Variants in SERPINI1 observed in about 807,000 individuals in gnomAD.
SERPINI1 encodes serpin family I member 1.
In SERPINI1, 19 loss-of-function variants were observed where a neutral mutation model predicts 41.1. The observed-to-expected ratio is 0.46, with a 90% confidence interval of 0.32 to 0.68. The LOEUF is 0.68. Ranked by LOEUF, SERPINI1 falls within the 30% of genes least tolerant of loss-of-function variation. The pLI, the probability that SERPINI1 is intolerant of heterozygous loss-of-function variation, is 0.03. For missense variants in SERPINI1, 460 were observed against 479.2 expected (o/e 0.96, Z 0.37); for synonymous variants, 138 against 156.6 (o/e 0.88, Z 0.89).
At chr3:167,778,363 A>G (rs982306454) in intron 1 of SERPINI1, among the ~76,000 whole-genome samples, 10 of 152,178 alleles carry the variant, frequency 6.6e-5, no homozygotes, top group African/African-American at 2.4e-4. Context: ...ATATTTCTCA[A>G]ATTTGCCTTC....
At chr3:167,767,068 A>C (rs1726589871) in intron 1 of SERPINI1, among the ~76,000 whole-genome samples, 1 of 152,254 alleles carries the variant, frequency 6.6e-6, no homozygotes, top group Admixed American at 6.5e-5. Flanking sequence ...TAGGACTTTC[A>C]TAGCTGGAGA....
intron 1 of SERPINI1, among the ~76,000 whole-genome samples, chr3:167,747,966 AG>A (rs1725916405): frequency 6.6e-6 from 1 of 151,790 alleles, no homozygotes; most frequent in African/African-American, 2.4e-5. Flanking sequence ...AATGAAGGCA[AG>A]GAAAAAGCCT....
intron 4 of SERPINI1, 31 bp from the exon 5 acceptor site, chr3:167,794,589 G>T: frequency 1.3e-6 from 2 of 1,592,556 alleles, no homozygotes; most frequent in Non-Finnish European, 1.7e-6. Context: ...GCTTTGATAG[G>T]CATCTTTTAT....
chr3:167,823,233 T>A (rs575774045), intron 7 of SERPINI1, among the ~76,000 whole-genome samples, 161 bp downstream of exon 7: 2 of 152,360 alleles, frequency 1.3e-5, no homozygotes, highest in East Asian at 3.9e-4. Context: ...CTAAATAGAA[T>A]GTGAAGTGTG....
chr3:167,763,310 G>A (rs558189375), intron 1 of SERPINI1, among the ~76,000 whole-genome samples: 176 of 151,804 alleles, frequency 1.2e-3, no homozygotes, highest in African/African-American at 3.3e-3. Context: ...TTATTTCCTC[G>A]TTTCCCATTC....
chr3:167,791,577 G>A (rs1487378153), intron 3 of SERPINI1, among the ~76,000 whole-genome samples: 2 of 152,146 alleles, frequency 1.3e-5, no homozygotes, highest in African/African-American at 4.8e-5. Flanking sequence ...ATATGAAGTA[G>A]ATTCAACTAT....
At chr3:167,809,961 G>A (rs1018433152) in intron 6 of SERPINI1, among the ~76,000 whole-genome samples, 2 of 152,190 alleles carry the variant, frequency 1.3e-5, no homozygotes, top group Admixed American at 1.3e-4. Flanking sequence ...CTTTCAGTGG[G>A]AATTCTTTGA....
chr3:167,814,887 G>C lies in SERPINI1; in HGVS notation c.979+7546G>C, dbSNP rs574496890. 2.6e-5 allele frequency among the ~76,000 whole-genome samples: 4 copies of C among 151,834 alleles called. No individual in the cohort carries two copies. In the East Asian group the frequency reaches 7.7e-4, roughly 29 times the overall value. ...GGAAAGTAGGACCAGTCATTTGGCA[G>C]CACTGTCTGCTGTGGCCAGAAGGAA... On this transcript the variant is annotated intron_variant, in intron 6 of 8. Transcript: ENST00000446050.
At position 167,789,167 on chromosome 3, in the gene SERPINI1, A is replaced by G; in HGVS notation, c.39A>G (p.Gln13=). The change falls in exon 2 of 9, where the codon CAA becomes CAG. Residue 13 remains glutamine (Q), a synonymous_variant. Coordinates refer to ENST00000446050, the MANE Select transcript of SERPINI1 (RefSeq NM_001122752.2). ...FLGLFSLLVL[Q]SMATGATFPE... ...GACTCTTCTCTTTGCTGGTTCTGCAAAGTATGGCTACAGGGGCCACTTTCC... is the reference window on the plus strand; with the variant it reads ...GACTCTTCTCTTTGCTGGTTCTGCAGAGTATGGCTACAGGGGCCACTTTCC... 6.2e-7 allele frequency: 1 copy of G among 1,614,176 alleles called. No homozygotes were observed. Among genetic ancestry groups the G allele is most frequent in the South Asian group, 1.1e-5 (1 of 91,086 alleles).
intron 5 of SERPINI1, among the ~76,000 whole-genome samples, chr3:167,797,672 A>G (rs1727757940): frequency 6.6e-6 from 1 of 152,006 alleles, no homozygotes; most frequent in Non-Finnish European, 1.5e-5. Context: ...GTGACAATAC[A>G]TATATGTAGA....
intron 1 of SERPINI1, among the ~76,000 whole-genome samples, chr3:167,769,723 G>T (rs925787250): frequency 2.0e-5 from 3 of 151,990 alleles, no homozygotes; most frequent in African/African-American, 7.2e-5. Context: ...TTATCAGTCT[G>T]TTAAGTGACT....
At chr3:167,736,242 C>G (rs546535891) in intron 1 of SERPINI1, 2 of 152,134 alleles carry the variant, frequency 1.3e-5, no homozygotes, top group South Asian at 2.1e-4. Flanking sequence ...CTACCCTTTA[C>G]GTTGGTTTAT....
intron 6 of SERPINI1, among the ~76,000 whole-genome samples, chr3:167,815,565 C>T (rs553781684): frequency 6.6e-6 from 1 of 151,934 alleles, no homozygotes; most frequent in African/African-American, 2.4e-5. Flanking sequence ...AATTCTTGTA[C>T]TTTTAGTAGA....
intron 1 of SERPINI1, among the ~76,000 whole-genome samples, chr3:167,771,619 T>A (rs1381622225): frequency 6.6e-6 from 1 of 152,230 alleles, no homozygotes; most frequent in Non-Finnish European, 1.5e-5. Flanking sequence ...TTTACCTGTT[T>A]AACTTTTTTT....
chr3:167,744,344 T>C (rs1242920395), intron 1 of SERPINI1, among the ~76,000 whole-genome samples: 1 of 151,844 alleles, frequency 6.6e-6, no homozygotes, highest in Non-Finnish European at 1.5e-5. Flanking sequence ...GGTTTTATTT[T>C]ATGATAATTT....
chr3:167,754,298 C>A (rs573903861), intron 1 of SERPINI1, among the ~76,000 whole-genome samples: 25 of 152,242 alleles, frequency 1.6e-4, no homozygotes, highest in Non-Finnish European at 3.4e-4. Flanking sequence ...ACAGCTAGAC[C>A]CTGGGCTACA....
chr3:167,744,668 A>ATG (rs553796737), intron 1 of SERPINI1, among the ~76,000 whole-genome samples: 1,707 of 106,794 alleles, frequency 0.016, 35 homozygotes, highest in African/African-American at 0.074. Flanking sequence ...ATATAAAAAT[A>ATG]TATATATAAA....
At chr3:167,774,105 A>G (rs1043087120) in intron 1 of SERPINI1, among the ~76,000 whole-genome samples, 1 of 152,218 alleles carries the variant, frequency 6.6e-6, no homozygotes, top group Non-Finnish European at 1.5e-5. Flanking sequence ...CTAAATTAGT[A>G]TACATTTTTA....
intron 1 of SERPINI1, among the ~76,000 whole-genome samples, chr3:167,752,193 T>G (rs1333524122): frequency 6.6e-6 from 1 of 152,160 alleles, no homozygotes; most frequent in African/African-American, 2.4e-5. Flanking sequence ...CCCCAAAAAC[T>G]CTAATCCAAA....
Sources: gnomAD v4.1 joint callset for allele counts (sites outside exome capture counted in the v4.1 genomes callset) on GRCh38, gnomAD v4.1.1 for gene constraint, MANE v1.5 for transcripts, NCBI Gene and HGNC (gene_info 2026-07-23, HGNC 2026-07-21) for gene names.